ZHX2: variants seen among roughly 807,000 people sequenced by gnomAD.
ZHX2 encodes zinc fingers and homeoboxes protein 2.
ZHX2 carries 6 observed loss-of-function variants against 21.9 expected under a neutral mutation model. The ratio of observed to expected loss-of-function variants is 0.27; its 90% CI spans 0.15 to 0.54. ZHX2 has a LOEUF of 0.54. Among genes scored for constraint, ZHX2 ranks in the 20% least tolerant of loss-of-function variants. ZHX2 has a pLI of 0.95. For missense variants in ZHX2, 908 were observed against 1,090.7 expected (o/e 0.83, Z 2.36); for synonymous variants, 434 against 437.1 (o/e 0.99, Z 0.09).
chr8:122,842,578 G>C (rs778274741), intron 1 of ZHX2, among the ~76,000 whole-genome samples: 4 of 152,180 alleles, frequency 2.6e-5, no homozygotes, highest in Non-Finnish European at 5.9e-5. Flanking sequence ...ATGGTGGCAG[G>C]CACCTGTAGT....
intron 2 of ZHX2, among the ~76,000 whole-genome samples, chr8:122,868,291 A>T (rs1819345698): frequency 1.3e-5 from 2 of 152,124 alleles, no homozygotes; most frequent in Admixed American, 1.3e-4. Flanking sequence ...TTGCAATGAA[A>T]ATCTTCTTTC....
chr8:122,970,290 C>T (rs551930824), intron 3 of ZHX2, among the ~76,000 whole-genome samples: 1 of 152,314 alleles, frequency 6.6e-6, no homozygotes, highest in East Asian at 1.9e-4. Flanking sequence ...TTGTCACCAC[C>T]CTTGGGTCAC....
intron 1 of ZHX2, among the ~76,000 whole-genome samples, chr8:122,799,779 C>T (rs1817680930): frequency 6.6e-6 from 1 of 152,216 alleles, no homozygotes; most frequent in African/African-American, 2.4e-5. Context: ...AGAGTCCTGT[C>T]CACCTGACTC....
At chr8:122,971,053 CACA>C (rs1342785316) in intron 3 of ZHX2, among the ~76,000 whole-genome samples, 3 of 152,182 alleles carry the variant, frequency 2.0e-5, no homozygotes, top group Non-Finnish European at 4.4e-5. Flanking sequence ...TAATGTTAAG[CACA>C]ACATTTAATC....
chr8:122,792,990 C>T (rs998069213), intron 1 of ZHX2, among the ~76,000 whole-genome samples: 6 of 152,156 alleles, frequency 3.9e-5, no homozygotes, highest in Admixed American at 6.5e-5. Context: ...ATGGCCATAC[C>T]GCTGCCCCTT....
chr8:122,953,736 G>A lies in ZHX2; in HGVS notation c.2226G>A (p.Leu742=). The A allele has an allele frequency of 1.9e-6, 3 of 1,614,252 alleles. No homozygotes were observed. Among genetic ancestry groups the A allele is most frequent in the East Asian group, 4.5e-5 (2 of 44,892 alleles). The change falls in exon 3 of 4, where the codon TTG becomes TTA. Residue 742 remains leucine (L), a synonymous_variant. Coordinates refer to ENST00000314393, the MANE Select transcript of ZHX2 (RefSeq NM_014943.5). The surrounding 1 kb of genome is among the most constrained non-coding windows in gnomAD (Gnocchi z 4.6). Reference sequence around the variant, plus strand: ...CCAAAAAGCTCTGCGAAGAGGACTTGGAGAAGTTGGTGACCAGGGTAAAAG... The same window carrying A: ...CCAAAAAGCTCTGCGAAGAGGACTTAGAGAAGTTGGTGACCAGGGTAAAAG... The part of the protein sequence containing the change: ...KDPKKLCEED[L]EKLVTRVKVG...
chr8:122,972,277 G>C (rs1424435042), intron 3 of ZHX2, among the ~76,000 whole-genome samples: 1 of 152,174 alleles, frequency 6.6e-6, no homozygotes, highest in African/African-American at 2.4e-5. Context: ...GAAGTACTGA[G>C]AATCAGGACT....
chr8:122,924,918 A>G (rs1820816996), intron 2 of ZHX2, among the ~76,000 whole-genome samples: 2 of 152,188 alleles, frequency 1.3e-5, no homozygotes, highest in African/African-American at 4.8e-5. Flanking sequence ...TGCTAATAAT[A>G]TGGGAGAATT....
intron 2 of ZHX2, among the ~76,000 whole-genome samples, chr8:122,864,980 G>C (rs940675335): frequency 6.6e-6 from 1 of 152,192 alleles, no homozygotes; most frequent in African/African-American, 2.4e-5. Flanking sequence ...GGAGGCCAGA[G>C]ACGGTGTTTT....
At chr8:122,948,782 G>A (rs980449334) in intron 2 of ZHX2, among the ~76,000 whole-genome samples, 2 of 152,166 alleles carry the variant, frequency 1.3e-5, no homozygotes, top group East Asian at 1.9e-4. Flanking sequence ...AAAATGGTTA[G>A]AATTGTGTCT....
chr8:122,809,372 C>T (rs1390656833), intron 1 of ZHX2, among the ~76,000 whole-genome samples: 2 of 152,026 alleles, frequency 1.3e-5, no homozygotes, highest in African/African-American at 2.4e-5. Flanking sequence ...TGGTGGTAGG[C>T]GCCTGTAATC....
At chr8:122,947,388 C>A (rs543164758) in intron 2 of ZHX2, among the ~76,000 whole-genome samples, 9 of 152,274 alleles carry the variant, frequency 5.9e-5, no homozygotes, top group Admixed American at 5.9e-4. Flanking sequence ...GCCACAATTG[C>A]TTCTTGAGCA....
intron 1 of ZHX2, among the ~76,000 whole-genome samples, chr8:122,798,804 A>G (rs72717965): frequency 0.29 from 43,301 of 150,866 alleles, 6,438 homozygotes; most frequent in Non-Finnish European, 0.34. Flanking sequence ...ACTGTCTCAA[A>G]AAAAAAAAAA....
intron 1 of ZHX2, among the ~76,000 whole-genome samples, chr8:122,836,610 A>G (rs1818504127): frequency 6.6e-6 from 1 of 152,204 alleles, no homozygotes; most frequent in Non-Finnish European, 1.5e-5. Flanking sequence ...GGACAGGGCA[A>G]AGATTTTATA....
intron 2 of ZHX2, among the ~76,000 whole-genome samples, chr8:122,920,291 A>C (rs1158959924): frequency 6.6e-6 from 1 of 152,340 alleles, no homozygotes; most frequent in East Asian, 1.9e-4. Context: ...AAACAAAAAA[A>C]AAATTCAAAT....
At chr8:122,790,405 C>T (rs1459213475) in intron 1 of ZHX2, among the ~76,000 whole-genome samples, 2 of 152,114 alleles carry the variant, frequency 1.3e-5, no homozygotes, top group Non-Finnish European at 2.9e-5. Flanking sequence ...TTCCTCTTTC[C>T]AGTCAGCACT....
At chr8:122,903,861 G>T (rs984589192) in intron 2 of ZHX2, among the ~76,000 whole-genome samples, 4 of 152,042 alleles carry the variant, frequency 2.6e-5, no homozygotes, top group African/African-American at 9.7e-5. Flanking sequence ...AGAGGGGAAT[G>T]AATATTGCTA....
chr8:122,882,673 G>A (rs905558545), intron 2 of ZHX2, among the ~76,000 whole-genome samples: 3 of 152,036 alleles, frequency 2.0e-5, no homozygotes, highest in African/African-American at 7.2e-5. Context: ...CCCAGCCAGG[G>A]TTATCTTTTA....
At chr8:122,901,289 C>G (rs1456343213) in intron 2 of ZHX2, among the ~76,000 whole-genome samples, 1 of 152,190 alleles carries the variant, frequency 6.6e-6, no homozygotes, top group Non-Finnish European at 1.5e-5. Flanking sequence ...ACCTCCCCTG[C>G]TTCTGGAAGA....
Sources: allele counts gnomAD v4.1 joint callset (sites outside exome capture counted in the v4.1 genomes callset), GRCh38; gene constraint gnomAD v4.1.1; non-coding constraint Gnocchi (gnomAD v3.1); transcripts MANE v1.5; gene names NCBI Gene and HGNC (gene_info 2026-07-23, HGNC 2026-07-21).